COL22A1: variants seen among roughly 807,000 people sequenced by gnomAD.
COL22A1 encodes collagen type XXII alpha 1 chain.
A neutral mutation model predicts 248.9 loss-of-function variants in COL22A1; 221 were observed. That is an observed-to-expected ratio of 0.89 (90% confidence interval 0.80 to 0.99). COL22A1 has a LOEUF of 0.99. Ranked by LOEUF, COL22A1 falls within the 50% of genes least tolerant of loss-of-function variation. The pLI is 0.00. For missense variants in COL22A1, 2,240 were observed against 2,179.0 expected, an observed-to-expected ratio of 1.03 and a Z score of -0.56; for synonymous variants, 891 against 793.4, an observed-to-expected ratio of 1.12 and a Z score of -2.07.
intron 23 of COL22A1, among the ~76,000 whole-genome samples, chr8:138,733,727 C>T (rs550399725): frequency 1.2e-4 from 19 of 152,302 alleles, no homozygotes; most frequent in Non-Finnish European, 2.5e-4. Flanking sequence ...ATTCTCCTTC[C>T]AGATTAATCC....
At chr8:138,849,475 C>T (rs1821475986) in intron 3 of COL22A1, among the ~76,000 whole-genome samples, 1 of 152,150 alleles carries the variant, frequency 6.6e-6, no homozygotes, top group African/African-American at 2.4e-5. Flanking sequence ...AGTCAACTGC[C>T]CAAGGCCACA....
chr8:138,694,376 T>A (rs534125544), intron 34 of COL22A1, 132 bp downstream of exon 34: 1 of 914,776 alleles, frequency 1.1e-6, no homozygotes, highest in African/African-American at 1.6e-5. Flanking sequence ...CTGCAGCACA[T>A]TGGGGCTGCT....
At chr8:138,802,771 G>T in intron 11 of COL22A1, 101 bp downstream of exon 11, 1 of 902,216 alleles carries the variant, frequency 1.1e-6, no homozygotes, top group Non-Finnish European at 1.9e-6. Flanking sequence ...GCCCCTGCCA[G>T]GTATTCAGCC....
rs1324431068 is a variant in COL22A1, at chr8:138,878,317, C to A, written c.92-1G>T. 13 of 1,532,024 alleles carry A rather than the reference C, an allele frequency of 8.5e-6. No individual in the cohort carries two copies. The highest frequency in any genetic ancestry group is 1.1e-5 in the Non-Finnish European group (12 of 1,135,746). 94.9% of individuals were successfully genotyped at this position (1,532,024 alleles called of 1,614,324 possible). On this transcript the variant is annotated splice_acceptor_variant, in intron 2 of 64. Transcript: ENST00000303045. LOFTEE classifies it high-confidence loss of function. ...AGATCGTAGTGGACACTTTTGCAAC[C>A]TGCAGGGGTGAGAGAAGGGGTGGCG... is the stretch of plus-strand genomic sequence containing the variant.
intron 60 of COL22A1, among the ~76,000 whole-genome samples, chr8:138,601,775 G>A (rs1818036860): frequency 6.6e-6 from 1 of 152,158 alleles, no homozygotes; most frequent in South Asian, 2.1e-4. Context: ...AGCCCGTCTC[G>A]GCGGGCATTC....
At chr8:138,779,465 T>A in intron 14 of COL22A1, 44 bp downstream of exon 14, 1 of 1,466,712 alleles carries the variant, frequency 6.8e-7, no homozygotes, top group South Asian at 1.1e-5. Flanking sequence ...CTGGGCCTTG[T>A]CCCCTGGGAG....
intron 23 of COL22A1, among the ~76,000 whole-genome samples, chr8:138,736,025 G>A (rs1275142300): frequency 6.6e-6 from 1 of 152,120 alleles, no homozygotes; most frequent in East Asian, 1.9e-4. Context: ...AGTGACTTGT[G>A]CCCACCTGCT....
At chr8:138,697,936 G>T (rs1285423598) in intron 32 of COL22A1, among the ~76,000 whole-genome samples, 2 of 152,208 alleles carry the variant, frequency 1.3e-5, no homozygotes, top group African/African-American at 2.4e-5. Context: ...ATCTGAGAGT[G>T]GCTTCCTGGC....
At chr8:138,862,429 G>GGCCACTGCTGTCCC (rs1275260967) in intron 3 of COL22A1, among the ~76,000 whole-genome samples, 1 of 152,082 alleles carries the variant, frequency 6.6e-6, no homozygotes, top group East Asian at 1.9e-4. Context: ...CTGGAGCTGA[G>GGCCACTGCTGTCCC]GCCACTGCTG....
chr8:138,608,609 G>T (rs1818603896), intron 56 of COL22A1, among the ~76,000 whole-genome samples: 1 of 152,158 alleles, frequency 6.6e-6, no homozygotes, highest in Admixed American at 6.5e-5. Context: ...GAGATATATT[G>T]TGCACATTCA....
chr8:138,871,287 C>T lies in COL22A1; in HGVS notation c.658+6463G>A, dbSNP rs543929009. On this transcript the variant is annotated intron_variant, in intron 3 of 64. Transcript: ENST00000303045. ...AGATTCAGGACTGCCCCCGGATGCC[C>T]CTCCGAGCTGTGTGAACTGGGAAAG... is the stretch of plus-strand genomic sequence containing the variant. Among the ~76,000 whole-genome samples the T allele has an allele frequency of 4.6e-5, 7 of 152,286 alleles. No homozygotes were observed. In the East Asian group the frequency reaches 1.2e-3, roughly 25 times the overall value.
At chr8:138,905,487 G>A (rs1281901229) in intron 1 of COL22A1, among the ~76,000 whole-genome samples, 2 of 152,094 alleles carry the variant, frequency 1.3e-5, no homozygotes, top group African/African-American at 2.4e-5. Flanking sequence ...GTTTCATACC[G>A]GGAAACCTCA....
At chr8:138,854,830 CGATGATGGT>C (rs1285394504) in intron 3 of COL22A1, among the ~76,000 whole-genome samples, 11 of 145,954 alleles carry the variant, frequency 7.5e-5, no homozygotes, top group South Asian at 6.6e-4. Flanking sequence ...ATGATGGTGA[CGATGATGGT>C]GATGATGGTG....
chr8:138,806,912 A>C (rs990441922), intron 10 of COL22A1, among the ~76,000 whole-genome samples: 1 of 152,084 alleles, frequency 6.6e-6, no homozygotes, highest in Non-Finnish European at 1.5e-5. Flanking sequence ...GCACCACGAG[A>C]CTCAGGCATG....
chr8:138,801,558 A>C (rs1371797125), intron 11 of COL22A1, among the ~76,000 whole-genome samples: 1 of 152,138 alleles, frequency 6.6e-6, no homozygotes, highest in African/African-American at 2.4e-5. Context: ...CTGATCACCC[A>C]CTATGGGCCA....
rs548713095 is a variant in COL22A1 at position 138,836,682 on chromosome 8, A to G, written c.734-3532T>C. On this transcript the variant is annotated intron_variant, in intron 4 of 64. Transcript: ENST00000303045. ...TCAGTCTCATCTGTAAACTGGGATA[A>G]TGGGTACAATTTGATCATCTTTTGT... Among the ~76,000 whole-genome samples the G allele has an allele frequency of 5.3e-5, 8 of 152,336 alleles. No homozygotes were observed. The East Asian group carries it at 1.2e-3, about 22-fold the overall frequency.
At chr8:138,830,381 ACTTTT>A (rs1266005352) in intron 5 of COL22A1, among the ~76,000 whole-genome samples, 1 of 152,242 alleles carries the variant, frequency 6.6e-6, no homozygotes, top group South Asian at 2.1e-4. Flanking sequence ...AAAAGTGACA[ACTTTT>A]CTTTATGAAC....
At chr8:138,672,292 A>G (rs986261160) in intron 41 of COL22A1, among the ~76,000 whole-genome samples, 2 of 152,356 alleles carry the variant, frequency 1.3e-5, no homozygotes. Context: ...GAGATAAATG[A>G]GAGGTAGACA....
chr8:138,619,995 C>G (rs1409619023), intron 52 of COL22A1: 1 of 174,390 alleles, frequency 5.7e-6, no homozygotes, highest in Non-Finnish European at 1.2e-5. Flanking sequence ...CTTTCCAGGT[C>G]AGCTGCAGTA....
Sources: allele counts gnomAD v4.1 joint callset (sites outside exome capture counted in the v4.1 genomes callset), GRCh38; gene constraint gnomAD v4.1.1; transcripts MANE v1.5; gene names NCBI Gene and HGNC (gene_info 2026-07-23, HGNC 2026-07-21).